UBE2QL1: variants seen among roughly 807,000 people sequenced by gnomAD.
UBE2QL1 encodes ubiquitin conjugating enzyme E2 QL1.
UBE2QL1 carries 5 observed loss-of-function variants against 12.6 expected under a neutral mutation model. The ratio of observed to expected loss-of-function variants is 0.40; its 90% CI spans 0.21 to 0.83. The LOEUF (loss-of-function observed/expected upper bound fraction) is 0.83, where lower values mean the gene tolerates loss of function less well. UBE2QL1 is among the 40% of genes least tolerant of loss of function. The pLI, the probability that UBE2QL1 is intolerant of heterozygous loss-of-function variation, is 0.37. For missense variants in UBE2QL1, 99 were observed against 222.6 expected (o/e 0.44, Z 3.53); for synonymous variants, 96 against 94.5 (o/e 1.02, Z -0.10).
At position 6,491,367 on chromosome 5, in the gene UBE2QL1, A is replaced by G; in HGVS notation, c.*18A>G. On this transcript the variant is annotated 3_prime_UTR_variant, in exon 2 of 2. Coordinates refer to ENST00000399816, the MANE Select transcript of UBE2QL1 (RefSeq NM_001145161.3). ...ACGGCTGATGTCTGCCACGTGCAGTAGACGCTCGAGCGCCTGTCCACACAC... is the reference window on the plus strand; with the variant it reads ...ACGGCTGATGTCTGCCACGTGCAGTGGACGCTCGAGCGCCTGTCCACACAC... The G allele has an allele frequency of 6.5e-7, 1 of 1,542,886 alleles. No individual in the cohort carries two copies. Among genetic ancestry groups the G allele is most frequent in the Non-Finnish European group, 8.7e-7 (1 of 1,143,356 alleles).
At chr5:6,459,930 G>C (rs185654) in intron 1 of UBE2QL1, among the ~76,000 whole-genome samples, 141,058 of 152,148 alleles carry the variant, frequency 0.93, 65,688 homozygotes, top group East Asian at 1. Context: ...ATATATACCC[G>C]GAGGAGTGCA....
chr5:6,467,515 T>A (rs886514202), intron 1 of UBE2QL1, among the ~76,000 whole-genome samples: 1 of 152,218 alleles, frequency 6.6e-6, no homozygotes, highest in Non-Finnish European at 1.5e-5. Flanking sequence ...CCAACCTGAT[T>A]ACCTCATTTT....
intron 1 of UBE2QL1, among the ~76,000 whole-genome samples, chr5:6,489,605 A>C (rs1029607696): frequency 5.9e-5 from 9 of 152,172 alleles, no homozygotes; most frequent in African/African-American, 1.9e-4. Context: ...ACAATTATTG[A>C]AAAGGAAGCC....
chr5:6,450,730 A>G (rs538036352), intron 1 of UBE2QL1, among the ~76,000 whole-genome samples: 1 of 152,342 alleles, frequency 6.6e-6, no homozygotes, highest in South Asian at 2.1e-4. Flanking sequence ...AGGTCAGGTA[A>G]TTCCTGACCC....
intron 1 of UBE2QL1, among the ~76,000 whole-genome samples, chr5:6,466,018 C>A: frequency 6.6e-6 from 1 of 152,112 alleles, no homozygotes; most frequent in Non-Finnish European, 1.5e-5. Flanking sequence ...CCCCTTGCAC[C>A]CTCTATCCTC....
At chr5:6,488,499 G>A (rs1222594381) in intron 1 of UBE2QL1, among the ~76,000 whole-genome samples, 1 of 151,852 alleles carries the variant, frequency 6.6e-6, no homozygotes, top group Non-Finnish European at 1.5e-5. Context: ...GCTGTCACTT[G>A]ATGTAGAAAT....
At chr5:6,474,705 T>C (rs1734185085) in intron 1 of UBE2QL1, among the ~76,000 whole-genome samples, 1 of 152,200 alleles carries the variant, frequency 6.6e-6, no homozygotes, top group Non-Finnish European at 1.5e-5. Flanking sequence ...ACAGGCTTCG[T>C]CGTTCATTCC....
intron 1 of UBE2QL1, among the ~76,000 whole-genome samples, chr5:6,473,466 C>A: frequency 6.6e-6 from 1 of 152,244 alleles, no homozygotes; most frequent in East Asian, 1.9e-4. Context: ...CCGGAACACA[C>A]ACGCCTCCTT....
At chr5:6,449,414 C>G (rs1460196883) in intron 1 of UBE2QL1, among the ~76,000 whole-genome samples, 167 bp downstream of exon 1, 1 of 152,168 alleles carries the variant, frequency 6.6e-6, no homozygotes, top group Non-Finnish European at 1.5e-5. Context: ...GCCTCCACCT[C>G]TTTTCCCTGA....
At chr5:6,452,885 G>A (rs908380401) in intron 1 of UBE2QL1, among the ~76,000 whole-genome samples, 4 of 152,140 alleles carry the variant, frequency 2.6e-5, no homozygotes, top group African/African-American at 4.8e-5. Flanking sequence ...AAAGCTGCTT[G>A]ATGGTGCACT....
In UBE2QL1 at chr5:6,492,694, A is replaced by T. The variant is rs1201135314; in HGVS notation, c.*1345A>T. On this transcript the variant is annotated 3_prime_UTR_variant, in exon 2 of 2. Transcript: ENST00000399816. ...AATATTGCAAATACTACAACATGTA[A>T]TTCCAGAGCAGCGTTCTAAGTCAGG... The T allele has an allele frequency of 6.6e-6, 1 of 152,244 alleles. No individual in the cohort carries two copies. The highest frequency in any genetic ancestry group is 1.5e-5 in the Non-Finnish European group (1 of 68,052). 9.4% of individuals were successfully genotyped at this position (152,244 alleles called of 1,614,324 possible).
chr5:6,472,439 CA>C (rs1739933156), intron 1 of UBE2QL1, among the ~76,000 whole-genome samples: 2 of 152,274 alleles, frequency 1.3e-5, no homozygotes, highest in Non-Finnish European at 2.9e-5. Flanking sequence ...CACTTCCCCG[CA>C]AACACCTGGC....
intron 1 of UBE2QL1, among the ~76,000 whole-genome samples, chr5:6,458,180 T>G (rs1472599): frequency 0.3 from 46,306 of 152,112 alleles, 7,888 homozygotes; most frequent in East Asian, 0.52. Flanking sequence ...TGAAGGAATG[T>G]CTACCTTAAA....
chr5:6,450,767 T>G (rs1301652843), intron 1 of UBE2QL1, among the ~76,000 whole-genome samples: 1 of 152,184 alleles, frequency 6.6e-6, no homozygotes, highest in Non-Finnish European at 1.5e-5. Context: ...TTTTCTAAGG[T>G]TTAGGTTCCA....
chr5:6,455,184 G>A (rs184081063), intron 1 of UBE2QL1, among the ~76,000 whole-genome samples: 1 of 152,246 alleles, frequency 6.6e-6, no homozygotes, highest in African/African-American at 2.4e-5. Flanking sequence ...TAGGTTCATG[G>A]CTGTTTCTTA....
In UBE2QL1 at chr5:6,449,868, A is replaced by ACCCC. The variant is rs5865654; in HGVS notation, c.354+626_354+629dup. 2.9e-4 allele frequency among the ~76,000 whole-genome samples: 34 copies of ACCCC among 117,168 alleles called. 3 individuals are homozygous for ACCCC. The highest frequency in any genetic ancestry group is 5.7e-4 in the South Asian group (2 of 3,524). The allele number at this position is 117,168 out of a possible 152,430, so 76.9% of individuals were successfully genotyped here. On this transcript the variant is annotated intron_variant, in intron 1 of 1. Coordinates refer to ENST00000399816, the MANE Select transcript of UBE2QL1 (RefSeq NM_001145161.3). ...ACCTAGCTGATCTCCCACCTCCCCA[A>ACCCC]CCCCCCCCACACACACACACACAAG...
intron 1 of UBE2QL1, among the ~76,000 whole-genome samples, chr5:6,458,528 A>C (rs1739582313): frequency 6.6e-6 from 1 of 152,356 alleles, no homozygotes; most frequent in East Asian, 1.9e-4. Flanking sequence ...TTATTAAACC[A>C]ATTATTTTTG....
chr5:6,481,154 C>T lies in UBE2QL1; in HGVS notation c.355-10064C>T, dbSNP rs1734350995. Reference sequence around the variant, plus strand: ...TCTCGGGCCATTTCACCTGTGCACGCTTCGTTGTGGCTGCACCTGCCCTAA... The same window carrying T: ...TCTCGGGCCATTTCACCTGTGCACGTTTCGTTGTGGCTGCACCTGCCCTAA... On this transcript the variant is annotated intron_variant, in intron 1 of 1. Transcript: ENST00000399816. The surrounding 1 kb of genome is among the most constrained non-coding windows in gnomAD (Gnocchi z 4.5). 6.6e-6 allele frequency among the ~76,000 whole-genome samples: 1 copy of T among 152,156 alleles called. No homozygotes were observed. The highest frequency in any genetic ancestry group is 2.4e-5 in the African/African-American group (1 of 41,422).
chr5:6,483,611 C>T (rs547104824), intron 1 of UBE2QL1, among the ~76,000 whole-genome samples: 1 of 152,220 alleles, frequency 6.6e-6, no homozygotes, highest in East Asian at 1.9e-4. Context: ...CACAGCCCTT[C>T]CGTCCCAGTT....
Sources: gnomAD v4.1 joint callset for allele counts (sites outside exome capture counted in the v4.1 genomes callset) on GRCh38, gnomAD v4.1.1 for gene constraint, Gnocchi (gnomAD v3.1) non-coding constraint, MANE v1.5 for transcripts, NCBI Gene and HGNC (gene_info 2026-07-23, HGNC 2026-07-21) for gene names.